The following SCFD2 variants were observed in gnomAD, a reference collection of about 807,000 sequenced individuals.
SCFD2 encodes sec1 family domain-containing protein 2.
SCFD2 carries 54 observed loss-of-function variants against 58.9 expected under a neutral mutation model. That is an observed-to-expected ratio of 0.92 (90% CI 0.74 to 1.15). The LOEUF (loss-of-function observed/expected upper bound fraction) is 1.15. Among genes scored for constraint, SCFD2 ranks in the 50% most tolerant of loss-of-function variants. The pLI is 0.00. For missense variants in SCFD2, 805 were observed against 836.6 expected (o/e 0.96, Z 0.47); for synonymous variants, 321 against 335.9 (o/e 0.96, Z 0.49).
intron 2 of SCFD2, among the ~76,000 whole-genome samples, chr4:53,316,339 A>G (rs1732862052): frequency 6.8e-6 from 1 of 147,230 alleles, no homozygotes; most frequent in Admixed American, 6.7e-5. Flanking sequence ...GGGTACACTC[A>G]GTAAATACTG....
chr4:53,170,364 G>C (rs1299510370), intron 4 of SCFD2, among the ~76,000 whole-genome samples: 1 of 152,106 alleles, frequency 6.6e-6, no homozygotes, highest in East Asian at 1.9e-4. Context: ...TTCATTTCTA[G>C]ATTCTCTATT....
chr4:53,228,975 AACAG>A (rs1729326916), intron 4 of SCFD2, among the ~76,000 whole-genome samples: 1 of 152,166 alleles, frequency 6.6e-6, no homozygotes, highest in African/African-American at 2.4e-5. Flanking sequence ...ATACACCAAT[AACAG>A]ACAAACAGAG....
chr4:52,933,418 G>C (rs1004421520), intron 5 of SCFD2, among the ~76,000 whole-genome samples: 1 of 152,190 alleles, frequency 6.6e-6, no homozygotes, highest in Non-Finnish European at 1.5e-5. Flanking sequence ...TAACAAAACT[G>C]AGTTATCACA....
chr4:53,207,959 C>CT lies in SCFD2; in HGVS notation c.1312-62378dup, dbSNP rs137857188. Among the ~76,000 whole-genome samples, 103 of 145,032 alleles carry CT rather than the reference C, an allele frequency of 7.1e-4. No individual in the cohort carries two copies. In the Middle Eastern group the frequency reaches 0.014, roughly 20 times the overall value. On this transcript the variant is annotated intron_variant, in intron 4 of 8. Coordinates refer to ENST00000401642, the MANE Select transcript of SCFD2 (RefSeq NM_152540.4). ...ATTTCTTTTTTCTTTCTTTTCTTTTCTTTTTTTTTTTCCCCCCATACAAAG... is the reference window on the plus strand; with the variant it reads ...ATTTCTTTTTTCTTTCTTTTCTTTTCTTTTTTTTTTTTCCCCCCATACAAAG...
chr4:53,313,336 A>G (rs1732748559), intron 3 of SCFD2, among the ~76,000 whole-genome samples: 1 of 152,354 alleles, frequency 6.6e-6, no homozygotes, highest in Non-Finnish European at 1.5e-5. Flanking sequence ...TTGGAATAGA[A>G]TTAAGGAGAG....
chr4:53,066,337 G>A (rs1013924659), intron 5 of SCFD2, among the ~76,000 whole-genome samples: 5 of 152,102 alleles, frequency 3.3e-5, no homozygotes, highest in Non-Finnish European at 7.4e-5. Flanking sequence ...TTGAGAGCCT[G>A]ACCTTTGGTC....
intron 7 of SCFD2, among the ~76,000 whole-genome samples, chr4:52,887,438 T>A (rs1307922571): frequency 1.3e-5 from 2 of 152,128 alleles, no homozygotes; most frequent in Non-Finnish European, 2.9e-5. Flanking sequence ...CTAGACTCAG[T>A]GATGGAGACA....
chr4:52,912,293 T>C (rs552190807), intron 6 of SCFD2, among the ~76,000 whole-genome samples: 13 of 152,308 alleles, frequency 8.5e-5, no homozygotes, highest in African/African-American at 3.1e-4. Context: ...TTTAATATTT[T>C]ATCTAAAAGC....
intron 4 of SCFD2, among the ~76,000 whole-genome samples, chr4:53,234,921 T>C (rs943196466): frequency 6.6e-6 from 1 of 152,206 alleles, no homozygotes; most frequent in South Asian, 2.1e-4. Context: ...AAAGTGAAAA[T>C]AGGTGATCCT....
chr4:53,238,013 C>T (rs1729718238), intron 4 of SCFD2, among the ~76,000 whole-genome samples: 1 of 138,754 alleles, frequency 7.2e-6, no homozygotes, highest in African/African-American at 2.7e-5. Flanking sequence ...GCTGATCCCC[C>T]CACCTCCCTC....
At chr4:53,038,586 C>T (rs2148822975) in intron 5 of SCFD2, among the ~76,000 whole-genome samples, 1 of 152,176 alleles carries the variant, frequency 6.6e-6, no homozygotes, top group African/African-American at 2.4e-5. Context: ...AGCCTCTGAG[C>T]CTTGTCCATT....
At chr4:53,135,425 G>A (rs573578152) in intron 5 of SCFD2, among the ~76,000 whole-genome samples, 15 of 152,248 alleles carry the variant, frequency 9.9e-5, no homozygotes, top group African/African-American at 3.6e-4. Flanking sequence ...CCAGACTCAT[G>A]CTTCCCTGGC....
chr4:53,210,956 C>T (rs2148980390), intron 4 of SCFD2, among the ~76,000 whole-genome samples: 1 of 152,048 alleles, frequency 6.6e-6, no homozygotes, highest in South Asian at 2.1e-4. Context: ...CATAAAAACC[C>T]AAGACGGGCC....
At chr4:53,191,102 C>T (rs1044245687) in intron 4 of SCFD2, among the ~76,000 whole-genome samples, 18 of 151,994 alleles carry the variant, frequency 1.2e-4, no homozygotes, top group Non-Finnish European at 2.5e-4. Context: ...AATCCCAGCA[C>T]TTTGGGAGGC....
chr4:52,958,383 G>A (rs1392683067), intron 5 of SCFD2, among the ~76,000 whole-genome samples: 1 of 152,206 alleles, frequency 6.6e-6, no homozygotes, highest in Non-Finnish European at 1.5e-5. Context: ...TCCCAGCTCT[G>A]TCTCAAATCA....
At chr4:52,975,221 G>C (rs1721219496) in intron 5 of SCFD2, among the ~76,000 whole-genome samples, 2 of 152,166 alleles carry the variant, frequency 1.3e-5, no homozygotes, top group Admixed American at 1.3e-4. Context: ...ACTACCACTA[G>C]AGTGAACAGG....
At chr4:52,896,062 GC>G (rs1201541811) in intron 7 of SCFD2, among the ~76,000 whole-genome samples, 1 of 151,852 alleles carries the variant, frequency 6.6e-6, no homozygotes, top group Non-Finnish European at 1.5e-5. Flanking sequence ...CTGGATATTA[GC>G]CCTTTGTCAG....
At chr4:53,216,390 C>A (rs564177015) in intron 4 of SCFD2, among the ~76,000 whole-genome samples, 1 of 152,002 alleles carries the variant, frequency 6.6e-6, no homozygotes, top group South Asian at 2.1e-4. Context: ...TGTATGTGTC[C>A]AGGAATTTAT....
intron 3 of SCFD2, among the ~76,000 whole-genome samples, chr4:53,311,559 T>A (rs1037527772): frequency 5.3e-5 from 8 of 152,164 alleles, no homozygotes; most frequent in Admixed American, 2.0e-4. Flanking sequence ...TGTGATAGTA[T>A]CATAATGTTG....
Sources: allele counts gnomAD v4.1 joint callset (sites outside exome capture counted in the v4.1 genomes callset), GRCh38; gene constraint gnomAD v4.1.1; transcripts MANE v1.5; gene names NCBI Gene and HGNC (gene_info 2026-07-23, HGNC 2026-07-21).